Variants in TAS2R1 observed in about 807,000 individuals in gnomAD.
TAS2R1 encodes taste receptor type 2 member 1.
For synonymous variants in TAS2R1, 141 were observed against 134.2 expected, an observed-to-expected ratio of 1.05 and a Z score of -0.35; for missense variants, 370 against 353.4, an observed-to-expected ratio of 1.05 and a Z score of -0.38.
At chr5:9,670,495 C>T (rs1740727188) in intron 1 of TAS2R1, among the ~76,000 whole-genome samples, 1 of 152,206 alleles carries the variant, frequency 6.6e-6, no homozygotes, top group Non-Finnish European at 1.5e-5. Flanking sequence ...TATAAATCTT[C>T]TTCCACCATG....
At chr5:9,833,349 T>C in the TAS2R1 span, among the ~76,000 whole-genome samples, 1 of 152,240 alleles carries the variant, frequency 6.6e-6, no homozygotes, top group Non-Finnish European at 1.5e-5. Flanking sequence ...ATTTTTTCCC[T>C]TGGCTTAGTG....
chr5:9,741,837 T>C, the TAS2R1 span, among the ~76,000 whole-genome samples: 1 of 152,116 alleles, frequency 6.6e-6, no homozygotes, highest in Non-Finnish European at 1.5e-5. Flanking sequence ...AGCATAAACG[T>C]CATTATTCAT....
the TAS2R1 span, among the ~76,000 whole-genome samples, chr5:9,823,984 C>T: frequency 6.6e-6 from 1 of 152,156 alleles, no homozygotes; most frequent in South Asian, 2.1e-4. Context: ...AGAAGTTTGC[C>T]TTGGAGGGCT....
At chr5:9,704,080 G>A (rs988374881) in intron 1 of TAS2R1, among the ~76,000 whole-genome samples, 10 of 152,076 alleles carry the variant, frequency 6.6e-5, no homozygotes, top group Non-Finnish European at 1.2e-4. Context: ...ACTTAAACAG[G>A]AAATATTAAT....
At chr5:9,810,952 T>C in the TAS2R1 span, among the ~76,000 whole-genome samples, 3 of 152,192 alleles carry the variant, frequency 2.0e-5, no homozygotes, top group African/African-American at 7.2e-5. Flanking sequence ...CCCCCAGCTA[T>C]GCCCCAAGAC....
chr5:9,800,975 T>A, the TAS2R1 span, among the ~76,000 whole-genome samples: 1 of 152,200 alleles, frequency 6.6e-6, no homozygotes, highest in African/African-American at 2.4e-5. Context: ...GCAGATCACC[T>A]GAGGTCAGGA....
chr5:9,656,259 T>C (rs187893578), intron 2 of TAS2R1, among the ~76,000 whole-genome samples: 2 of 152,358 alleles, frequency 1.3e-5, no homozygotes, highest in East Asian at 3.9e-4. Flanking sequence ...CAGCAAGATT[T>C]AAGTTGTGGC....
the TAS2R1 span, among the ~76,000 whole-genome samples, chr5:9,800,848 T>A: frequency 6.6e-6 from 1 of 152,202 alleles, no homozygotes; most frequent in Admixed American, 6.5e-5. Flanking sequence ...GATAATTACA[T>A]TTAAATAAGG....
At chr5:9,800,526 G>C in the TAS2R1 span, among the ~76,000 whole-genome samples, 18 of 152,292 alleles carry the variant, frequency 1.2e-4, no homozygotes, top group African/African-American at 1.7e-4. Context: ...ATAGGCCTGT[G>C]ATGGAAGATG....
At chr5:9,708,355 T>C (rs1741664779) in intron 1 of TAS2R1, among the ~76,000 whole-genome samples, 2 of 152,202 alleles carry the variant, frequency 1.3e-5, no homozygotes, top group Admixed American at 1.3e-4. Flanking sequence ...AATTTTCATC[T>C]CTCCTACATG....
the TAS2R1 span, among the ~76,000 whole-genome samples, chr5:9,895,466 A>G: frequency 5.9e-5 from 9 of 152,218 alleles, no homozygotes; most frequent in Non-Finnish European, 1.0e-4. Context: ...ACTGTGGCTG[A>G]GCCGGGCAGC....
the TAS2R1 span, among the ~76,000 whole-genome samples, chr5:9,717,478 A>G: frequency 6.6e-6 from 1 of 152,168 alleles, no homozygotes; most frequent in East Asian, 1.9e-4. Flanking sequence ...AATTCTAAGG[A>G]GCTTTTTAAT....
At chr5:9,772,628 C>T in the TAS2R1 span, among the ~76,000 whole-genome samples, 1 of 151,530 alleles carries the variant, frequency 6.6e-6, no homozygotes, top group Non-Finnish European at 1.5e-5. Context: ...GTATTGGGGC[C>T]TCTCTCTCTC....
chr5:9,895,571 T>A, the TAS2R1 span, among the ~76,000 whole-genome samples: 1 of 151,528 alleles, frequency 6.6e-6, no homozygotes, highest in East Asian at 1.9e-4. Flanking sequence ...CAGAGAGGTC[T>A]TTCTTTTTTC....
chr5:9,640,851 A>G (rs996859803), intron 2 of TAS2R1, among the ~76,000 whole-genome samples: 1 of 152,220 alleles, frequency 6.6e-6, no homozygotes, highest in South Asian at 2.1e-4. Flanking sequence ...AAATATTACC[A>G]GAGGAAAAAA....
rs218039 is a variant in TAS2R1, at chr5:9,680,195, G to T, written c.-241-20614C>A. Among the ~76,000 whole-genome samples the T allele has an allele frequency of 6.6e-4, 101 of 152,230 alleles. 1 individual carries two copies. The East Asian group carries it at 0.019, about 28-fold the overall frequency. On this transcript the variant is annotated intron_variant, in intron 1 of 2. Transcript: ENST00000506620. ...AAAACAAAATAATAAAATATTACTG[G>T]ACTATAACCCAAAGCATATAATAAA...
At chr5:9,824,878 G>A in the TAS2R1 span, among the ~76,000 whole-genome samples, 10 of 149,918 alleles carry the variant, frequency 6.7e-5, no homozygotes, top group Admixed American at 6.6e-4. Flanking sequence ...GAAGAGAAAG[G>A]AAAAGGGAAA....
At chr5:9,892,889 C>T in the TAS2R1 span, among the ~76,000 whole-genome samples, 1 of 152,160 alleles carries the variant, frequency 6.6e-6, no homozygotes, top group Non-Finnish European at 1.5e-5. Context: ...TTTTCACAGA[C>T]CAAGTATCCC....
At chr5:9,672,829 A>T (rs2126504018) in intron 1 of TAS2R1, among the ~76,000 whole-genome samples, 1 of 152,318 alleles carries the variant, frequency 6.6e-6, no homozygotes, top group South Asian at 2.1e-4. Flanking sequence ...ATTCTCCCGT[A>T]AAGACACATG....
Sources: gnomAD v4.1 joint callset for allele counts (sites outside exome capture counted in the v4.1 genomes callset) on GRCh38, gnomAD v4.1.1 for gene constraint, MANE v1.5 for transcripts, NCBI Gene and HGNC (gene_info 2026-07-23, HGNC 2026-07-21) for gene names.